Variants in VWA8 observed in about 807,000 individuals in gnomAD.
VWA8 encodes von Willebrand factor A domain-containing protein 8.
VWA8 carries 221 observed loss-of-function variants against 241.5 expected under a neutral mutation model. That is an observed-to-expected ratio of 0.91 (90% CI 0.82 to 1.02). The LOEUF is 1.02. VWA8 is among the 50% of genes least tolerant of loss of function. The pLI is 0.00. For synonymous variants in VWA8, 852 were observed against 827.1 expected, an observed-to-expected ratio of 1.03 and a Z score of -0.52; for missense variants, 2,322 against 2,328.7, an observed-to-expected ratio of 1.00 and a Z score of 0.06.
intron 9 of VWA8, among the ~76,000 whole-genome samples, chr13:41,879,727 C>A (rs559478864): frequency 6.6e-6 from 1 of 151,624 alleles, no homozygotes; most frequent in Admixed American, 6.6e-5. Flanking sequence ...CTAAGGTCTT[C>A]TCATTATTAA....
chr13:41,724,287 A>C (rs530955780), intron 24 of VWA8, among the ~76,000 whole-genome samples: 27 of 152,344 alleles, frequency 1.8e-4, no homozygotes, highest in African/African-American at 6.3e-4. Flanking sequence ...AACTCTTTTG[A>C]GTACAAATGA....
At chr13:41,873,615 T>C (rs1281410767) in intron 9 of VWA8, among the ~76,000 whole-genome samples, 1 of 151,750 alleles carries the variant, frequency 6.6e-6, no homozygotes, top group Non-Finnish European at 1.5e-5. Flanking sequence ...ACACATACAC[T>C]CTCCCAAGAC....
intron 17 of VWA8, among the ~76,000 whole-genome samples, chr13:41,804,270 G>A (rs916561106): frequency 6.6e-6 from 1 of 152,080 alleles, no homozygotes; most frequent in Non-Finnish European, 1.5e-5. Context: ...GAAGAGAAAA[G>A]AAACAAACAA....
At chr13:41,767,501 AC>A (rs2045787020) in intron 20 of VWA8, among the ~76,000 whole-genome samples, 1 of 152,224 alleles carries the variant, frequency 6.6e-6, no homozygotes, top group Non-Finnish European at 1.5e-5. Context: ...GCTAATGATC[AC>A]TGGAAATTTC....
intron 1 of VWA8, among the ~76,000 whole-genome samples, chr13:41,953,099 T>A (rs1013979637): frequency 6.6e-6 from 1 of 152,048 alleles, no homozygotes; most frequent in Non-Finnish European, 1.5e-5. Context: ...AAATGCACAA[T>A]CACATCTAGA....
chr13:41,879,189 T>C (rs1343281666), intron 9 of VWA8, among the ~76,000 whole-genome samples: 1 of 152,128 alleles, frequency 6.6e-6, no homozygotes, highest in East Asian at 1.9e-4. Flanking sequence ...GGTTCTCTTT[T>C]TCCCCAGCAC....
chr13:41,655,335 C>G (rs1055844947), intron 37 of VWA8, among the ~76,000 whole-genome samples: 1 of 152,114 alleles, frequency 6.6e-6, no homozygotes, highest in Non-Finnish European at 1.5e-5. Flanking sequence ...TTGATCCGCC[C>G]ACTTCAGCCT....
At chr13:41,572,658 G>A (rs560862531) in intron 43 of VWA8, among the ~76,000 whole-genome samples, 2 of 151,992 alleles carry the variant, frequency 1.3e-5, no homozygotes, top group African/African-American at 4.8e-5. Flanking sequence ...AAACACTGAG[G>A]AAGGCCGCAG....
At chr13:41,927,849 A>G (rs530251591) in intron 2 of VWA8, among the ~76,000 whole-genome samples, 1 of 152,194 alleles carries the variant, frequency 6.6e-6, no homozygotes, top group Non-Finnish European at 1.5e-5. Context: ...TGCTGCCTAC[A>G]AGAGACCCAC....
intron 20 of VWA8, among the ~76,000 whole-genome samples, chr13:41,777,664 G>A (rs1868667895): frequency 6.6e-6 from 1 of 152,192 alleles, no homozygotes; most frequent in Non-Finnish European, 1.5e-5. Context: ...ATGGGCATAA[G>A]GTGGGGATGG....
At chr13:41,671,594 T>C (rs140703784) in intron 36 of VWA8, among the ~76,000 whole-genome samples, 91 of 151,418 alleles carry the variant, frequency 6.0e-4, no homozygotes, top group Middle Eastern at 6.8e-3. Context: ...CCCAATATGA[T>C]AGTATTAGGA....
At chr13:41,602,918 G>C (rs1048527867) in intron 40 of VWA8, among the ~76,000 whole-genome samples, 4 of 152,000 alleles carry the variant, frequency 2.6e-5, no homozygotes, top group African/African-American at 9.7e-5. Context: ...TTCTAAAGAC[G>C]GAAGTTCTAC....
chr13:41,920,985 A>G (rs1044721965), intron 2 of VWA8, among the ~76,000 whole-genome samples: 1 of 152,222 alleles, frequency 6.6e-6, no homozygotes, highest in Non-Finnish European at 1.5e-5. Context: ...CACAAGAAAA[A>G]AAGAGAATTT....
At chr13:41,918,967 A>G (rs1217646609) in intron 2 of VWA8, among the ~76,000 whole-genome samples, 1 of 152,220 alleles carries the variant, frequency 6.6e-6, no homozygotes, top group African/African-American at 2.4e-5. Flanking sequence ...ACTAAACAGC[A>G]TAATTCTACA....
intron 38 of VWA8, among the ~76,000 whole-genome samples, chr13:41,613,276 T>C (rs938796441): frequency 1.3e-5 from 2 of 152,212 alleles, no homozygotes; most frequent in African/African-American, 4.8e-5. Flanking sequence ...CTTTAATCTT[T>C]TGATTGGAAC....
chr13:41,674,207 T>C (rs1308700422), intron 36 of VWA8, among the ~76,000 whole-genome samples: 1 of 152,178 alleles, frequency 6.6e-6, no homozygotes, highest in Non-Finnish European at 1.5e-5. Flanking sequence ...AATGAAGCTG[T>C]GTTTCTGAGT....
intron 26 of VWA8, among the ~76,000 whole-genome samples, chr13:41,712,452 G>A (rs1394469973): frequency 1.3e-5 from 2 of 152,090 alleles, no homozygotes; most frequent in East Asian, 3.8e-4. Context: ...TTAATTCCTG[G>A]AATCAATGAC....
chr13:41,944,035 G>A (rs1191478502), intron 2 of VWA8, among the ~76,000 whole-genome samples: 3 of 151,826 alleles, frequency 2.0e-5, no homozygotes, highest in Non-Finnish European at 2.9e-5. Context: ...AACCTGGGAG[G>A]CAGAGGCTGC....
chr13:41,786,828 T>G (rs1869212123), intron 18 of VWA8, among the ~76,000 whole-genome samples: 3 of 152,084 alleles, frequency 2.0e-5, no homozygotes, highest in Admixed American at 2.0e-4. Flanking sequence ...TTTAAAAAAT[T>G]GAAAATCTTT....
Sources: allele counts gnomAD v4.1 joint callset (sites outside exome capture counted in the v4.1 genomes callset), GRCh38; gene constraint gnomAD v4.1.1; transcripts MANE v1.5; gene names NCBI Gene and HGNC (gene_info 2026-07-23, HGNC 2026-07-21).